AADACL2: variants seen among roughly 807,000 people sequenced by gnomAD.
AADACL2 encodes arylacetamide deacetylase like 2, also known as arylacetamide deacetylase-like 2.
AADACL2 carries 23 observed loss-of-function variants against 22.3 expected under a neutral mutation model. The ratio of observed to expected loss-of-function variants is 1.03; its 90% CI spans 0.74 to 1.46. The LOEUF is 1.46. AADACL2 is among the 40% of genes most tolerant of loss of function. AADACL2 has a pLI of 0.00. For synonymous variants in AADACL2, 177 were observed against 166.2 expected (o/e 1.07, Z -0.50); for missense variants, 472 against 482.9 (o/e 0.98, Z 0.21).
intron 1 of AADACL2, among the ~76,000 whole-genome samples, chr3:151,735,799 T>C (rs989385485): frequency 6.6e-6 from 1 of 152,126 alleles, no homozygotes; most frequent in African/African-American, 2.4e-5. Flanking sequence ...AAATAAAGTA[T>C]AGTGGCTAGA....
chr3:151,751,567 A>G (rs1241579006), intron 4 of AADACL2: 1 of 152,212 alleles, frequency 6.6e-6, no homozygotes, highest in Non-Finnish European at 1.5e-5. Flanking sequence ...CTGTAGTCCC[A>G]GCAACTCAAT....
chr3:151,751,208 T>G (rs1358177674), intron 4 of AADACL2, among the ~76,000 whole-genome samples: 4 of 152,174 alleles, frequency 2.6e-5, no homozygotes, highest in African/African-American at 9.7e-5. Flanking sequence ...ATGCCCTGCT[T>G]AGAGATTATT....
At chr3:151,755,755 G>A (rs1039922239) in intron 4 of AADACL2, among the ~76,000 whole-genome samples, 7 of 152,112 alleles carry the variant, frequency 4.6e-5, no homozygotes, top group Non-Finnish European at 8.8e-5. Context: ...GTTATTGATG[G>A]ACACTTTTTG....
chr3:151,750,478 A>T (rs762226069), intron 4 of AADACL2, among the ~76,000 whole-genome samples: 1 of 151,862 alleles, frequency 6.6e-6, no homozygotes, highest in African/African-American at 2.4e-5. Flanking sequence ...CTTATCTTTC[A>T]TGATCTTGCC....
At chr3:151,739,548 AG>A (rs779011907) in intron 1 of AADACL2, among the ~76,000 whole-genome samples, 5 of 152,164 alleles carry the variant, frequency 3.3e-5, no homozygotes, top group African/African-American at 4.8e-5. Flanking sequence ...TCTCCTTCTC[AG>A]GATCAGCTGC....
rs905472160 is a variant in AADACL2, at chr3:151,757,094, G to T, written c.706G>T (p.Glu236Ter). 3.1e-6 allele frequency: 5 copies of T among 1,612,874 alleles called. No homozygotes were observed. The African/African-American group carries it at 6.7e-5, about 22-fold the overall frequency. ...DSYLPSHREN[E>*]HGIVLTRDVA... is the part of the protein sequence containing the mutation. ...TTATTTGCCATCTCACCGAGAAAAT[G>T]AGCATGGTATAGTTTTGACCAGGGA... Residue 236 changes from glutamate to a stop codon, truncating the protein, a stop_gained, in exon 5 of 5, where the codon GAG becomes TAG. Transcript: ENST00000356517. LOFTEE classifies it low-confidence loss of function (END_TRUNC).
intron 4 of AADACL2, chr3:151,751,365 C>A (rs1229828930): frequency 6.6e-6 from 1 of 152,152 alleles, no homozygotes; most frequent in Non-Finnish European, 1.5e-5. Context: ...ATTTCTTGCA[C>A]ATTTGTAACA....
chr3:151,749,329 T>A (rs1428083804), intron 4 of AADACL2, among the ~76,000 whole-genome samples: 3 of 152,206 alleles, frequency 2.0e-5, no homozygotes, highest in African/African-American at 7.2e-5. Context: ...AATTTCTTTT[T>A]AAGATAGTTT....
chr3:151,760,903 C>T lies in AADACL2; in HGVS notation c.*3309C>T, dbSNP rs1389951169. On this transcript the variant is annotated 3_prime_UTR_variant, in exon 5 of 5. Transcript: ENST00000356517. Reference sequence around the variant, plus strand: ...AACTCCAATCTTCACATGATATTCTCCCGTTGTATGTGTTCTTCCCCAATT... The same window carrying T: ...AACTCCAATCTTCACATGATATTCTTCCGTTGTATGTGTTCTTCCCCAATT... The T allele has an allele frequency of 6.6e-6, 1 of 151,900 alleles. No individual in the cohort carries two copies. The highest frequency in any genetic ancestry group is 1.5e-5 in the Non-Finnish European group (1 of 67,996). The allele number at this position is 151,900 out of a possible 1,614,324, so 9.4% of individuals were successfully genotyped here. A position where few individuals can be genotyped will look rare whatever the true frequency, so the allele number is the denominator to read the frequency against.
chr3:151,740,302 T>C (rs6798229), intron 1 of AADACL2, among the ~76,000 whole-genome samples: 102,746 of 151,948 alleles, frequency 0.68, 34,841 homozygotes, highest in South Asian at 0.75. Context: ...CCTGCTTCTG[T>C]TCGCCCTCTG....
chr3:151,753,651 T>C (rs1282998938), intron 4 of AADACL2, among the ~76,000 whole-genome samples: 2 of 152,092 alleles, frequency 1.3e-5, no homozygotes, highest in Non-Finnish European at 2.9e-5. Flanking sequence ...GGGTTGAAAA[T>C]GACAGATATG....
At chr3:151,744,255 T>A (rs1308811802) in intron 3 of AADACL2, 93 bp downstream of exon 3, 1 of 1,169,610 alleles carries the variant, frequency 8.5e-7, no homozygotes, top group East Asian at 2.6e-5. Flanking sequence ...TCAAATATAA[T>A]TTTTTAAATT....
chr3:151,741,874 G>C lies in AADACL2; in HGVS notation c.361+1006G>C, dbSNP rs1417703206. On this transcript the variant is annotated intron_variant, in intron 2 of 4. Coordinates refer to ENST00000356517, the MANE Select transcript of AADACL2 (RefSeq NM_207365.4). ...GGTTATATCTCTTTTTACTGACATA[G>C]GCAATGATTGTGATCAGTAATTTCT... Among the ~76,000 whole-genome samples, 3 of 152,080 alleles carry C rather than the reference G, an allele frequency of 2.0e-5. No individual in the cohort carries two copies. The East Asian group carries it at 5.8e-4, about 29-fold the overall frequency.
At chr3:151,743,836 T>C (rs904059652) in intron 2 of AADACL2, among the ~76,000 whole-genome samples, 1 of 152,138 alleles carries the variant, frequency 6.6e-6, no homozygotes, top group Non-Finnish European at 1.5e-5. Flanking sequence ...TACAATAGGC[T>C]GAGCCTATTC....
intron 4 of AADACL2, among the ~76,000 whole-genome samples, chr3:151,748,264 GAT>G (rs1392159059): frequency 6.6e-6 from 1 of 152,110 alleles, no homozygotes; most frequent in African/African-American, 2.4e-5. Flanking sequence ...TTAGACCTTT[GAT>G]TCATCATTTT....
At chr3:151,747,076 GT>G (rs915936053) in intron 4 of AADACL2, among the ~76,000 whole-genome samples, 1 of 151,464 alleles carries the variant, frequency 6.6e-6, no homozygotes, top group Admixed American at 6.6e-5. Context: ...CTTATTTTCT[GT>G]TTTTTTCTCT....
At chr3:151,741,719 C>T (rs1401965) in intron 2 of AADACL2, among the ~76,000 whole-genome samples, 48,801 of 151,842 alleles carry the variant, frequency 0.32, 8,165 homozygotes, top group East Asian at 0.55. Flanking sequence ...GAAGTTTTTA[C>T]GAGGTGTATG....
rs557151150 is a variant in AADACL2, at chr3:151,745,790, T to C, written c.603+110T>C. On this transcript the variant is annotated intron_variant, in intron 4 of 4. Transcript: ENST00000356517. ...TTGTTGAAAAGACCATTCTTTCCCA[T>C]TGAATTACAGTAGCACTTGAGTAAA... 3.5e-6 allele frequency: 4 copies of C among 1,145,074 alleles called. No individual in the cohort carries two copies. In the Admixed American group the frequency reaches 1.1e-4, roughly 31 times the overall value. 70.9% of individuals were successfully genotyped at this position (1,145,074 alleles called of 1,614,324 possible). A position where few individuals can be genotyped will look rare whatever the true frequency, so the allele number is the denominator to read the frequency against.
At chr3:151,734,339 T>C (rs559292895) in intron 1 of AADACL2, among the ~76,000 whole-genome samples, 166 bp downstream of exon 1, 1 of 152,302 alleles carries the variant, frequency 6.6e-6, no homozygotes, top group East Asian at 1.9e-4. Flanking sequence ...AAACTCCCTA[T>C]ATCTGTGAGT....
Sources: allele counts gnomAD v4.1 joint callset (sites outside exome capture counted in the v4.1 genomes callset), GRCh38; gene constraint gnomAD v4.1.1; transcripts MANE v1.5; gene names NCBI Gene and HGNC (gene_info 2026-07-23, HGNC 2026-07-21).